The following SYN3 variants were observed in gnomAD, a reference collection of about 807,000 sequenced individuals.
SYN3 encodes synapsin-3.
Under a neutral mutation model 65.8 loss-of-function variants are expected in SYN3, and 35 were observed. The observed-to-expected ratio is 0.53, with a 90% confidence interval of 0.41 to 0.70. The LOEUF is 0.70. Among genes scored for constraint, SYN3 ranks in the 30% least tolerant of loss-of-function variants. SYN3 has a pLI of 0.00. For missense variants in SYN3, 680 were observed against 749.0 expected, an observed-to-expected ratio of 0.91 and a Z score of 1.08; for synonymous variants, 270 against 292.9, an observed-to-expected ratio of 0.92 and a Z score of 0.80.
chr22:33,030,798 C>A (rs2053739153), intron 1 of SYN3, among the ~76,000 whole-genome samples: 1 of 150,560 alleles, frequency 6.6e-6, no homozygotes, highest in Non-Finnish European at 1.5e-5. Context: ...CAGAAACAGA[C>A]CCCCAGAGAG....
chr22:32,861,807 T>C (rs1461537467), intron 6 of SYN3: 2 of 152,650 alleles, frequency 1.3e-5, no homozygotes, highest in Non-Finnish European at 2.9e-5. Flanking sequence ...TACTGTATAA[T>C]TTAAAATCAT....
intron 1 of SYN3, among the ~76,000 whole-genome samples, chr22:33,007,783 A>C (rs888802852): frequency 3.3e-5 from 5 of 152,226 alleles, no homozygotes; most frequent in African/African-American, 1.2e-4. Context: ...TGTCAGCACA[A>C]GCAGATAATA....
intron 6 of SYN3, among the ~76,000 whole-genome samples, chr22:32,651,860 T>C (rs2060076247): frequency 6.6e-6 from 1 of 152,168 alleles, no homozygotes; most frequent in African/African-American, 2.4e-5. Flanking sequence ...GGTTCCACCA[T>C]GAGCCAATGT....
At chr22:33,028,672 G>GGTA (rs1486130451) in intron 1 of SYN3, among the ~76,000 whole-genome samples, 2 of 114,850 alleles carry the variant, frequency 1.7e-5, no homozygotes, top group African/African-American at 3.5e-5. Context: ...TGGTGGTGGT[G>GGTA]GTGGTGGTGG....
chr22:32,952,062 C>T (rs898082356), intron 3 of SYN3, among the ~76,000 whole-genome samples: 1 of 152,188 alleles, frequency 6.6e-6, no homozygotes, highest in Admixed American at 6.5e-5. Context: ...TGGCTGGCAT[C>T]TCAGGGCTGA....
chr22:32,871,258 C>T (rs974614893), intron 4 of SYN3, among the ~76,000 whole-genome samples: 7 of 152,238 alleles, frequency 4.6e-5, no homozygotes, highest in Admixed American at 6.5e-5. Context: ...GGATGCCCTT[C>T]CAAGACCACC....
At chr22:33,022,396 G>A (rs2053575540) in intron 1 of SYN3, among the ~76,000 whole-genome samples, 1 of 152,194 alleles carries the variant, frequency 6.6e-6, no homozygotes, top group African/African-American at 2.4e-5. Flanking sequence ...TGAAGAGCAG[G>A]TCCAACATGC....
chr22:32,725,914 A>G (rs528339834), intron 6 of SYN3, among the ~76,000 whole-genome samples: 1 of 152,262 alleles, frequency 6.6e-6, no homozygotes, highest in East Asian at 1.9e-4. Context: ...TTTGAGTCTT[A>G]TTTTTTGCAT....
At chr22:32,522,066 T>A (rs914178029) in intron 12 of SYN3, among the ~76,000 whole-genome samples, 1 of 152,168 alleles carries the variant, frequency 6.6e-6, no homozygotes, top group African/African-American at 2.4e-5. Flanking sequence ...TATGAGCACA[T>A]ACACAAAATA....
intron 4 of SYN3, among the ~76,000 whole-genome samples, chr22:32,880,629 A>T (rs1384842230): frequency 6.6e-6 from 1 of 152,188 alleles, no homozygotes; most frequent in Admixed American, 6.5e-5. Flanking sequence ...CAGCATTACC[A>T]TGACACCTGG....
At chr22:32,894,283 C>T (rs2146492072) in intron 4 of SYN3, among the ~76,000 whole-genome samples, 2 of 152,294 alleles carry the variant, frequency 1.3e-5, no homozygotes, top group Middle Eastern at 3.4e-3. Context: ...AAGAAGAAAA[C>T]AGTCAAGGGT....
intron 6 of SYN3, among the ~76,000 whole-genome samples, chr22:32,729,300 T>C (rs191573458): frequency 3.3e-5 from 5 of 152,326 alleles, no homozygotes; most frequent in East Asian, 3.9e-4. Flanking sequence ...AATGTACTAC[T>C]TCACGGTGTG....
intron 6 of SYN3, among the ~76,000 whole-genome samples, chr22:32,807,361 T>TAAATATATATTATATATAATATATA (rs5845034): frequency 8.1e-5 from 9 of 110,934 alleles, no homozygotes; most frequent in South Asian, 2.4e-4. Context: ...ATATAATATA[T>TAAATATATATTATATATAATATATA]AATATATATT....
chr22:32,713,531 C>T (rs2060993313), intron 6 of SYN3, among the ~76,000 whole-genome samples: 1 of 152,134 alleles, frequency 6.6e-6, no homozygotes, highest in South Asian at 2.1e-4. Context: ...ACAATATGTC[C>T]TAGAAAACAG....
chr22:32,683,300 C>T (rs2060548236), intron 6 of SYN3, among the ~76,000 whole-genome samples: 2 of 152,178 alleles, frequency 1.3e-5, no homozygotes, highest in Admixed American at 6.5e-5. Flanking sequence ...ATTGCCTTCC[C>T]CCTTCCTGGG....
At chr22:33,040,090 C>T (rs1601948411) in intron 1 of SYN3, among the ~76,000 whole-genome samples, 5 of 150,966 alleles carry the variant, frequency 3.3e-5, no homozygotes, top group Admixed American at 3.3e-4. Context: ...AGTGCAGTGG[C>T]GCGATCTCGG....
rs944304154 is a variant in SYN3, at chr22:32,628,747, TA to T, written c.712-32012del. Among the ~76,000 whole-genome samples the T allele has an allele frequency of 5.6e-3, 787 of 139,384 alleles. 3 individuals carry two copies. The highest frequency in any genetic ancestry group is 0.043 in the East Asian group (206 of 4,842). 91.4% of individuals were successfully genotyped at this position (139,384 alleles called of 152,430 possible). On this transcript the variant is annotated intron_variant, in intron 6 of 13. Coordinates refer to ENST00000358763, the MANE Select transcript of SYN3 (RefSeq NM_003490.4). ...TGGGGCACAAGAGCGAGACTTCGTC[TA>T]AAAAAAAAAAAAACCTCACTCAAAT... is the stretch of plus-strand genomic sequence containing the variant.
intron 3 of SYN3, among the ~76,000 whole-genome samples, chr22:32,965,559 T>C (rs1390532482): frequency 6.6e-6 from 1 of 151,796 alleles, no homozygotes; most frequent in Non-Finnish European, 1.5e-5. Flanking sequence ...TGTGTGTGTG[T>C]GTGTGTGTGT....
At chr22:32,767,956 C>T (rs548097404) in intron 6 of SYN3, among the ~76,000 whole-genome samples, 47 of 152,268 alleles carry the variant, frequency 3.1e-4, no homozygotes, top group African/African-American at 1.1e-3. Flanking sequence ...ATGTCTAACA[C>T]GCATTTCTAG....
Sources: gnomAD v4.1 joint callset for allele counts (sites outside exome capture counted in the v4.1 genomes callset) on GRCh38, gnomAD v4.1.1 for gene constraint, MANE v1.5 for transcripts, NCBI Gene and HGNC (gene_info 2026-07-23, HGNC 2026-07-21) for gene names.